The following PCDH11X variants were observed in gnomAD, a reference collection of about 807,000 sequenced individuals.
PCDH11X encodes the protein protocadherin 11 X-linked.
In PCDH11X, 18 loss-of-function variants were observed where a neutral mutation model predicts 53.3. That is an observed-to-expected ratio of 0.34 (90% CI 0.23 to 0.50). PCDH11X has a LOEUF of 0.50. PCDH11X is among the 20% of genes least tolerant of loss of function. The probability of loss-of-function intolerance (pLI) is 0.98; values close to 1 mark genes in which losing one functional copy is unlikely to be tolerated. For missense variants in PCDH11X, 570 were observed against 1,032.4 expected (o/e 0.55, Z 6.14); for synonymous variants, 279 against 393.3 (o/e 0.71, Z 3.44).
intron 9 of PCDH11X, among the ~76,000 whole-genome samples, chrX:92,396,844 C>CA (rs559098629): frequency 1.2e-3 from 34 of 27,909 alleles, no homozygotes; most frequent in African/African-American, 5.0e-3. Flanking sequence ...GACTCTGTCT[C>CA]AAAAAAAAAA....
intron 6 of PCDH11X, among the ~76,000 whole-genome samples, chrX:92,024,604 A>T (rs1325006131): frequency 9.4e-6 from 1 of 106,911 alleles, no homozygotes; most frequent in African/African-American, 3.4e-5. Context: ...TAATCTATAG[A>T]TTCAATTCTG....
chrX:92,341,081 C>T (rs1473544632), intron 8 of PCDH11X, among the ~76,000 whole-genome samples: 2 of 111,543 alleles, frequency 1.8e-5, no homozygotes, highest in Non-Finnish European at 3.8e-5. Context: ...CAAACTCCCA[C>T]AGAACCGTAG....
intron 8 of PCDH11X, among the ~76,000 whole-genome samples, chrX:92,377,606 T>G (rs1319219545): frequency 9.4e-6 from 1 of 106,341 alleles, no homozygotes; most frequent in Middle Eastern, 4.3e-3. Flanking sequence ...TTGTCTTAGT[T>G]TTTCTTCAGA....
At chrX:91,804,343 G>A (rs944390099) in intron 1 of PCDH11X, among the ~76,000 whole-genome samples, 14 of 106,953 alleles carry the variant, frequency 1.3e-4, no homozygotes, top group African/African-American at 3.4e-4. Flanking sequence ...TTAATTAACC[G>A]GAGAGGAAGT....
intron 7 of PCDH11X, among the ~76,000 whole-genome samples, chrX:92,210,983 G>T (rs2066574619): frequency 9.0e-6 from 1 of 111,408 alleles, no homozygotes; most frequent in Non-Finnish European, 1.9e-5. Context: ...CTTCTTCCGA[G>T]CCCTTCAAAC....
intron 6 of PCDH11X, among the ~76,000 whole-genome samples, chrX:92,129,515 A>G (rs2064933237): frequency 8.9e-6 from 1 of 112,349 alleles, no homozygotes; most frequent in African/African-American, 3.2e-5. Flanking sequence ...TATTTAGTAT[A>G]AGTTTTATAG....
At chrX:92,272,078 C>T (rs754898963) in intron 8 of PCDH11X, among the ~76,000 whole-genome samples, 4 of 111,271 alleles carry the variant, frequency 3.6e-5, no homozygotes, top group Non-Finnish European at 5.7e-5. Context: ...AAAAGTATCT[C>T]GACATAAAAT....
intron 10 of PCDH11X, among the ~76,000 whole-genome samples, chrX:92,559,440 T>TACACACACACACACACAC (rs199701051): frequency 1.0e-5 from 1 of 100,466 alleles, no homozygotes; most frequent in African/African-American, 3.6e-5. Context: ...CAAGTATCTT[T>TACACACACACACACACAC]ACACACACAC....
intron 8 of PCDH11X, among the ~76,000 whole-genome samples, chrX:92,332,008 T>G (rs1287332537): frequency 2.7e-5 from 3 of 111,731 alleles, no homozygotes; most frequent in Non-Finnish European, 5.7e-5. Context: ...ATAAATAGCA[T>G]TATCTGGCAC....
In PCDH11X at chrX:92,363,447, A is replaced by G. The variant is rs77328865; in HGVS notation, c.3145-24288A>G. ...AATGTTTTCCTAATTTTATTTTCATATTGTTCATTGTTAGTGTTTAGAAAC... is the reference window on the plus strand; with the variant it reads ...AATGTTTTCCTAATTTTATTTTCATGTTGTTCATTGTTAGTGTTTAGAAAC... On this transcript the variant is annotated intron_variant, in intron 8 of 10. Transcript: ENST00000682573. Among the ~76,000 whole-genome samples, 301 of 109,471 alleles carry G rather than the reference A, an allele frequency of 2.7e-3. 6 individuals carry two copies. In the East Asian group the frequency reaches 0.052, roughly 19 times the overall value.
chrX:91,953,574 C>T (rs1482596158), intron 6 of PCDH11X, among the ~76,000 whole-genome samples: 1 of 110,541 alleles, frequency 9.0e-6, no homozygotes, highest in East Asian at 2.8e-4. Flanking sequence ...TGCTAATTCT[C>T]ATTAGAGGTC....
chrX:92,261,134 T>G (rs998355254), intron 7 of PCDH11X, among the ~76,000 whole-genome samples: 2 of 110,840 alleles, frequency 1.8e-5, no homozygotes, highest in Non-Finnish European at 3.8e-5. Flanking sequence ...CTTGCCTGCT[T>G]GCCAATATAT....
chrX:92,466,718 A>G (rs1479277670), intron 9 of PCDH11X, among the ~76,000 whole-genome samples: 2 of 110,197 alleles, frequency 1.8e-5, no homozygotes, highest in South Asian at 7.6e-4. Context: ...TATTGTTGTC[A>G]CGTCCCTCGT....
intron 10 of PCDH11X, among the ~76,000 whole-genome samples, chrX:92,487,557 A>G (rs1379341035): frequency 9.0e-6 from 1 of 111,278 alleles, no homozygotes; most frequent in East Asian, 2.9e-4. Flanking sequence ...CCTCATTAAA[A>G]AAAGAGTATG....
At chrX:92,083,428 A>G (rs191645869) in intron 6 of PCDH11X, among the ~76,000 whole-genome samples, 1 of 111,440 alleles carries the variant, frequency 9.0e-6, no homozygotes, top group African/African-American at 3.3e-5. Flanking sequence ...CCCCAGAAAT[A>G]AATTGGAGTG....
chrX:92,136,332 G>A (rs187236286), intron 6 of PCDH11X, among the ~76,000 whole-genome samples: 8 of 110,545 alleles, frequency 7.2e-5, no homozygotes, highest in Admixed American at 2.9e-4. Flanking sequence ...TCTGGAGCCC[G>A]AGGAACAAAG....
At chrX:92,412,213 G>T (rs1240102613) in intron 9 of PCDH11X, among the ~76,000 whole-genome samples, 2 of 107,848 alleles carry the variant, frequency 1.9e-5, no homozygotes, top group Non-Finnish European at 3.8e-5. Context: ...TAAGGATTTT[G>T]CTTTACCTTC....
chrX:92,195,642 G>GA (rs926392655), intron 6 of PCDH11X, among the ~76,000 whole-genome samples: 12 of 108,698 alleles, frequency 1.1e-4, no homozygotes, highest in Non-Finnish European at 2.1e-4. Context: ...AGTTATCCTA[G>GA]AAAAAAAAAT....
chrX:91,950,461 C>T (rs1296160360), intron 6 of PCDH11X, among the ~76,000 whole-genome samples: 1 of 107,266 alleles, frequency 9.3e-6, no homozygotes, highest in Non-Finnish European at 1.9e-5. Flanking sequence ...CCAGTTCTAC[C>T]CAAGTTGCTG....
Sources: gnomAD v4.1 joint callset for allele counts (sites outside exome capture counted in the v4.1 genomes callset) on GRCh38, gnomAD v4.1.1 for gene constraint, MANE v1.5 for transcripts, NCBI Gene and HGNC (gene_info 2026-07-23, HGNC 2026-07-21) for gene names.